The following B3GALT1 variants were observed in gnomAD, a reference collection of about 807,000 sequenced individuals.
B3GALT1 encodes the protein UDP-Gal:betaGlcNAc beta 1,3-galactosyltransferase, polypeptide 1.
A neutral mutation model predicts 23.2 loss-of-function variants in B3GALT1; 10 were observed. The ratio of observed to expected loss-of-function variants is 0.43; its 90% CI spans 0.27 to 0.73. The LOEUF is 0.73. Ranked by LOEUF, B3GALT1 falls within the 30% of genes least tolerant of loss-of-function variation. The pLI, the probability that B3GALT1 is intolerant of heterozygous loss-of-function variation, is 0.21. For synonymous variants in B3GALT1, 156 were observed against 141.5 expected (o/e 1.10, Z -0.73); for missense variants, 299 against 405.4 (o/e 0.74, Z 2.25).
chr2:167,655,376 T>C (rs752502348), intron 3 of B3GALT1, among the ~76,000 whole-genome samples: 1 of 152,096 alleles, frequency 6.6e-6, no homozygotes, highest in South Asian at 2.1e-4. Context: ...AAAGTAAAAC[T>C]GAAGAAAGAT....
At chr2:167,648,472 C>T (rs866546884) in intron 3 of B3GALT1, among the ~76,000 whole-genome samples, 1 of 152,102 alleles carries the variant, frequency 6.6e-6, no homozygotes, top group African/African-American at 2.4e-5. Flanking sequence ...CCATCTCTGT[C>T]CAATTCCTAC....
At chr2:167,717,705 A>C (rs1409740668) in intron 3 of B3GALT1, among the ~76,000 whole-genome samples, 2 of 152,176 alleles carry the variant, frequency 1.3e-5, no homozygotes, top group African/African-American at 4.8e-5. Context: ...ATTTAGGATA[A>C]GTTTATAAAT....
At chr2:167,599,825 C>T (rs1684842065) in intron 2 of B3GALT1, among the ~76,000 whole-genome samples, 2 of 151,924 alleles carry the variant, frequency 1.3e-5, no homozygotes, top group South Asian at 4.2e-4. Flanking sequence ...TGTTTTTTTT[C>T]CATTTCTGAC....
At chr2:167,611,877 T>TC (rs776953227) in intron 2 of B3GALT1, among the ~76,000 whole-genome samples, 15 of 152,022 alleles carry the variant, frequency 9.9e-5, no homozygotes, top group Non-Finnish European at 1.6e-4. Flanking sequence ...ATTTCAGACA[T>TC]CCAGACTCAA....
chr2:167,642,779 G>T (rs182423533), intron 2 of B3GALT1, among the ~76,000 whole-genome samples: 1 of 152,040 alleles, frequency 6.6e-6, no homozygotes, highest in African/African-American at 2.4e-5. Context: ...CCCTCTTCAG[G>T]AGTGTAAACT....
intron 2 of B3GALT1, among the ~76,000 whole-genome samples, chr2:167,564,178 T>C (rs1255618471): frequency 1.2e-4 from 16 of 132,138 alleles, no homozygotes; most frequent in South Asian, 2.5e-4. Flanking sequence ...GTCTCCTCAC[T>C]TCTCAGACGG....
At chr2:167,364,379 G>T (rs773343914) in intron 1 of B3GALT1, among the ~76,000 whole-genome samples, 84 of 151,250 alleles carry the variant, frequency 5.6e-4, no homozygotes, top group Non-Finnish European at 1.2e-3. Context: ...AAGTTCTAGG[G>T]TACATGTGCA....
At chr2:167,674,506 A>G (rs773890871) in intron 3 of B3GALT1, among the ~76,000 whole-genome samples, 2 of 152,254 alleles carry the variant, frequency 1.3e-5, no homozygotes, top group East Asian at 1.9e-4. Flanking sequence ...AAACATTTTG[A>G]TGCAACCTTC....
At chr2:167,314,723 A>G (rs1232533073) in intron 1 of B3GALT1, among the ~76,000 whole-genome samples, 1 of 152,142 alleles carries the variant, frequency 6.6e-6, no homozygotes, top group African/African-American at 2.4e-5. Context: ...TTGGATGCAG[A>G]CATGTTTTGG....
intron 1 of B3GALT1, among the ~76,000 whole-genome samples, chr2:167,437,679 T>C (rs1698810518): frequency 6.6e-6 from 1 of 152,248 alleles, no homozygotes. Flanking sequence ...TGGCTTTTTC[T>C]CTTCCTCTTT....
At chr2:167,574,367 A>G (rs1684348275) in intron 2 of B3GALT1, among the ~76,000 whole-genome samples, 1 of 151,724 alleles carries the variant, frequency 6.6e-6, no homozygotes, top group Non-Finnish European at 1.5e-5. Context: ...CTTAGCATAA[A>G]CATACCAGTA....
At chr2:167,312,521 C>CA (rs933008808) in intron 1 of B3GALT1, among the ~76,000 whole-genome samples, 1 of 151,592 alleles carries the variant, frequency 6.6e-6, no homozygotes, top group African/African-American at 2.4e-5. Flanking sequence ...TAAAAGAGAA[C>CA]AAAAAAACCG....
At chr2:167,715,968 T>A (rs1362486384) in intron 3 of B3GALT1, 8 of 1,612,680 alleles carry the variant, frequency 5.0e-6, no homozygotes, top group Non-Finnish European at 5.9e-6. Flanking sequence ...AGGATTCGAA[T>A]CTTGTCTCAT....
At chr2:167,695,471 G>T (rs572810536) in intron 3 of B3GALT1, among the ~76,000 whole-genome samples, 1 of 152,254 alleles carries the variant, frequency 6.6e-6, no homozygotes, top group African/African-American at 2.4e-5. Flanking sequence ...AAACTCTTCA[G>T]TTGCTCTTGT....
intron 2 of B3GALT1, among the ~76,000 whole-genome samples, chr2:167,513,201 T>A (rs1453280028): frequency 6.6e-6 from 1 of 151,470 alleles, no homozygotes; most frequent in East Asian, 1.9e-4. Flanking sequence ...ATAACAGAAA[T>A]TTTACAAAGT....
chr2:167,759,770 G>C (rs1366716457), intron 3 of B3GALT1, among the ~76,000 whole-genome samples: 1 of 152,136 alleles, frequency 6.6e-6, no homozygotes, highest in Non-Finnish European at 1.5e-5. Context: ...ACATGCCACT[G>C]TGCTAGGGGG....
chr2:167,475,193 A>G (rs1699471253), intron 1 of B3GALT1, among the ~76,000 whole-genome samples: 1 of 152,076 alleles, frequency 6.6e-6, no homozygotes, highest in Non-Finnish European at 1.5e-5. Context: ...ACATGATGAA[A>G]TTTCATGCCA....
chr2:167,305,806 G>C (rs1324951488), intron 1 of B3GALT1, among the ~76,000 whole-genome samples: 2 of 152,024 alleles, frequency 1.3e-5, no homozygotes, highest in African/African-American at 4.8e-5. Context: ...AAGAATTTCT[G>C]TTAAATTGTT....
chr2:167,625,545 A>G (rs1375696020), intron 2 of B3GALT1, among the ~76,000 whole-genome samples: 4 of 151,760 alleles, frequency 2.6e-5, no homozygotes, highest in African/African-American at 7.2e-5. Context: ...GATATAAAAC[A>G]CTAAACCAAA....
Sources: allele counts gnomAD v4.1 joint callset (sites outside exome capture counted in the v4.1 genomes callset), GRCh38; gene constraint gnomAD v4.1.1; transcripts MANE v1.5; gene names NCBI Gene and HGNC (gene_info 2026-07-23, HGNC 2026-07-21).